GRHL2: variants seen among roughly 807,000 people sequenced by gnomAD.
The protein encoded by GRHL2 is grainyhead like transcription factor 2, also known as grainyhead-like protein 2 homolog.
Under a neutral mutation model 83.8 loss-of-function variants are expected in GRHL2, and 21 were observed. The observed-to-expected ratio is 0.25, with a 90% CI of 0.18 to 0.36. The LOEUF (loss-of-function observed/expected upper bound fraction) is 0.36, where lower values mean the gene tolerates loss of function less well. Among genes scored for constraint, GRHL2 ranks in the 10% least tolerant of loss-of-function variants. The pLI, the probability that GRHL2 is intolerant of heterozygous loss-of-function variation, is 1.00. For missense variants in GRHL2, 623 were observed against 781.8 expected, an observed-to-expected ratio of 0.80 and a Z score of 2.42; for synonymous variants, 280 against 278.9, an observed-to-expected ratio of 1.00 and a Z score of -0.04.
At chr8:101,623,537 T>TGC (rs1813006334) in intron 9 of GRHL2, among the ~76,000 whole-genome samples, 1 of 143,028 alleles carries the variant, frequency 7.0e-6, no homozygotes, top group African/African-American at 2.9e-5. Flanking sequence ...CAGTTCACAG[T>TGC]AAGACAGTTC....
At chr8:101,596,259 C>T (rs1812388720) in intron 7 of GRHL2, among the ~76,000 whole-genome samples, 1 of 151,976 alleles carries the variant, frequency 6.6e-6, no homozygotes, top group Non-Finnish European at 1.5e-5. Context: ...AATGAGTCAC[C>T]ATGTTTTGCA....
intron 3 of GRHL2, among the ~76,000 whole-genome samples, chr8:101,553,859 C>T (rs925847676): frequency 6.6e-6 from 1 of 152,018 alleles, no homozygotes; most frequent in African/African-American, 2.4e-5. Flanking sequence ...ATCTCCTGAC[C>T]TTGTGATCTG....
chr8:101,519,815 T>A lies in GRHL2; in HGVS notation c.21-23426T>A, dbSNP rs111405222. On this transcript the variant is annotated intron_variant, in intron 1 of 15. Coordinates refer to ENST00000646743, the MANE Select transcript of GRHL2 (RefSeq NM_024915.4). ...TACAGATAAAAGGCTTTCTCCCCCA[T>A]CTACTCACTGCTAATAATCAATTTA... 9.6e-3 allele frequency among the ~76,000 whole-genome samples: 1,463 copies of A among 152,276 alleles called. 20 individuals carry two copies. The highest frequency in any genetic ancestry group is 0.033 in the African/African-American group (1,387 of 41,540).
intron 2 of GRHL2, among the ~76,000 whole-genome samples, chr8:101,550,178 CTTT>C (rs4002324): frequency 0.016 from 2,369 of 149,416 alleles, 20 homozygotes; most frequent in Middle Eastern, 0.045. Flanking sequence ...ATATGCAGGT[CTTT>C]TTTTTTTTTA....
intron 9 of GRHL2, among the ~76,000 whole-genome samples, chr8:101,627,200 A>T (rs1813097494): frequency 6.6e-6 from 1 of 152,110 alleles, no homozygotes; most frequent in South Asian, 2.1e-4. Flanking sequence ...ACAGAAAACA[A>T]ATTTTTACAA....
intron 8 of GRHL2, among the ~76,000 whole-genome samples, chr8:101,605,645 A>G (rs1490896745): frequency 6.6e-6 from 1 of 152,134 alleles, no homozygotes; most frequent in African/African-American, 2.4e-5. Context: ...GGCTCTCTCT[A>G]TCCACGTCTT....
At chr8:101,662,718 G>T (rs557343571) in intron 14 of GRHL2, among the ~76,000 whole-genome samples, 2 of 152,292 alleles carry the variant, frequency 1.3e-5, no homozygotes, top group Admixed American at 1.3e-4. Context: ...ATTTATAAAA[G>T]TGAAACACAA....
chr8:101,593,056 C>T (rs1812320326), intron 7 of GRHL2, among the ~76,000 whole-genome samples: 1 of 152,110 alleles, frequency 6.6e-6, no homozygotes, highest in Non-Finnish European at 1.5e-5. Context: ...CAGTGATTCT[C>T]CTGCCTCAGC....
intron 2 of GRHL2, among the ~76,000 whole-genome samples, chr8:101,550,304 G>A (rs1405142940): frequency 6.6e-6 from 1 of 152,060 alleles, no homozygotes; most frequent in Admixed American, 6.6e-5. Context: ...CCAGCACCCA[G>A]GTAGTGGGCA....
At chr8:101,678,482 G>A in the GRHL2 span, among the ~76,000 whole-genome samples, 3 of 151,920 alleles carry the variant, frequency 2.0e-5, no homozygotes, top group African/African-American at 4.9e-5. Context: ...AGATCAAACT[G>A]CAAGGTGGCA....
At chr8:101,535,538 T>G (rs1410840951) in intron 1 of GRHL2, among the ~76,000 whole-genome samples, 3 of 152,028 alleles carry the variant, frequency 2.0e-5, no homozygotes, top group Admixed American at 6.5e-5. Context: ...TTTTTCTCTT[T>G]CTTCTTTTTT....
chr8:101,592,751 G>A (rs1780284952), intron 7 of GRHL2, among the ~76,000 whole-genome samples: 1 of 152,142 alleles, frequency 6.6e-6, no homozygotes, highest in Non-Finnish European at 1.5e-5. Flanking sequence ...TCTGCTTTGG[G>A]AGGATCCTAG....
At chr8:101,536,344 G>C (rs1204634045) in intron 1 of GRHL2, among the ~76,000 whole-genome samples, 3 of 152,216 alleles carry the variant, frequency 2.0e-5, no homozygotes, top group African/African-American at 7.2e-5. Flanking sequence ...TTGAAGGCAT[G>C]AAGAGATAAG....
At chr8:101,576,481 A>G (rs1811936334) in intron 6 of GRHL2, among the ~76,000 whole-genome samples, 1 of 152,052 alleles carries the variant, frequency 6.6e-6, no homozygotes, top group African/African-American at 2.4e-5. Flanking sequence ...CAGTTTCCCA[A>G]AGTGTTGGGA....
chr8:101,515,541 A>G (rs553337757), intron 1 of GRHL2, among the ~76,000 whole-genome samples: 47 of 152,296 alleles, frequency 3.1e-4, no homozygotes, highest in African/African-American at 1.0e-3. Context: ...GACGTGTTGC[A>G]TGCTGGGCAC....
chr8:101,609,296 C>A (rs1158153825), intron 8 of GRHL2, among the ~76,000 whole-genome samples: 1 of 150,324 alleles, frequency 6.7e-6, no homozygotes, highest in Non-Finnish European at 1.5e-5. Flanking sequence ...AACTGTGGTC[C>A]TCAACAAGCA....
intron 8 of GRHL2, among the ~76,000 whole-genome samples, chr8:101,607,197 G>T (rs949494916): frequency 6.6e-6 from 1 of 152,158 alleles, no homozygotes; most frequent in South Asian, 2.1e-4. Flanking sequence ...CAGTTCTTTT[G>T]AAAATTAAAG....
At chr8:101,540,134 A>G (rs556615102) in intron 1 of GRHL2, among the ~76,000 whole-genome samples, 19 of 152,308 alleles carry the variant, frequency 1.2e-4, no homozygotes, top group African/African-American at 4.6e-4. Flanking sequence ...ATATCCACAA[A>G]TTTTATGGGA....
intron 1 of GRHL2, among the ~76,000 whole-genome samples, chr8:101,538,952 C>T (rs974500066): frequency 2.6e-5 from 4 of 152,246 alleles, no homozygotes; most frequent in East Asian, 3.9e-4. Context: ...CCACTGATCA[C>T]GTAAGGATTC....
Sources: gnomAD v4.1 joint callset for allele counts (sites outside exome capture counted in the v4.1 genomes callset) on GRCh38, gnomAD v4.1.1 for gene constraint, MANE v1.5 for transcripts, NCBI Gene and HGNC (gene_info 2026-07-23, HGNC 2026-07-21) for gene names.